The following SPAG16 variants were observed in gnomAD, a reference collection of about 807,000 sequenced individuals.
SPAG16 encodes the protein sperm associated antigen 16.
A neutral mutation model predicts 80.4 loss-of-function variants in SPAG16; 86 were observed. The ratio of observed to expected loss-of-function variants is 1.07; its 90% confidence interval spans 0.90 to 1.28. SPAG16 has a LOEUF of 1.28. SPAG16 is among the 50% of genes most tolerant of loss of function. The probability of loss-of-function intolerance (pLI) is 0.00; values close to 1 mark genes in which losing one functional copy is unlikely to be tolerated. For missense variants in SPAG16, 870 were observed against 765.3 expected (o/e 1.14, Z -1.61); for synonymous variants, 294 against 265.9 (o/e 1.11, Z -1.03).
intron 13 of SPAG16, among the ~76,000 whole-genome samples, chr2:214,055,906 GA>G (rs967646450): frequency 6.6e-6 from 1 of 151,384 alleles, no homozygotes; most frequent in South Asian, 2.1e-4. Context: ...TTTTAATAGA[GA>G]AAAAATCAAT....
At chr2:213,480,093 T>C (rs926569010) in intron 9 of SPAG16, among the ~76,000 whole-genome samples, 6 of 152,222 alleles carry the variant, frequency 3.9e-5, no homozygotes, top group Admixed American at 1.3e-4. Context: ...AGAAAGAAGA[T>C]AAAATTATGG....
chr2:214,142,119 T>A (rs1014331878), intron 14 of SPAG16, among the ~76,000 whole-genome samples: 6 of 152,128 alleles, frequency 3.9e-5, no homozygotes, highest in African/African-American at 1.4e-4. Context: ...ATTTTCCAGA[T>A]TGTGATATTC....
chr2:214,108,462 CACACACACACACACACA>C (rs1166526664), intron 14 of SPAG16, among the ~76,000 whole-genome samples: 3 of 98,468 alleles, frequency 3.0e-5, no homozygotes, highest in Non-Finnish European at 6.5e-5. Flanking sequence ...CACACACACA[CACACACACACACACACA>C]CCCCCACACA....
chr2:213,434,286 A>G (rs1228673106), intron 9 of SPAG16, among the ~76,000 whole-genome samples: 1 of 151,832 alleles, frequency 6.6e-6, no homozygotes, highest in East Asian at 1.9e-4. Flanking sequence ...ATAAAACTAG[A>G]CTCCTATCTC....
intron 15 of SPAG16, among the ~76,000 whole-genome samples, chr2:214,297,621 G>A (rs1694228848): frequency 1.3e-5 from 2 of 151,912 alleles, no homozygotes; most frequent in Non-Finnish European, 2.9e-5. Context: ...TATTTTTGCT[G>A]ACATTGGAAA....
intron 13 of SPAG16, among the ~76,000 whole-genome samples, chr2:214,017,194 A>G (rs1336758087): frequency 6.6e-6 from 1 of 152,106 alleles, no homozygotes; most frequent in African/African-American, 2.4e-5. Flanking sequence ...CTTAAAAATA[A>G]AATCAGGATG....
intron 9 of SPAG16, among the ~76,000 whole-genome samples, chr2:213,444,257 C>T (rs1012505380): frequency 3.3e-5 from 5 of 152,120 alleles, no homozygotes; most frequent in African/African-American, 1.2e-4. Flanking sequence ...GTTAGAGGTT[C>T]TCTCCTGATT....
At chr2:213,682,443 A>G (rs752532122) in intron 10 of SPAG16, among the ~76,000 whole-genome samples, 2 of 152,220 alleles carry the variant, frequency 1.3e-5, no homozygotes, top group Non-Finnish European at 2.9e-5. Flanking sequence ...TTAAAGAAGA[A>G]AGAAACACAA....
chr2:214,229,644 A>T (rs1489824823), intron 15 of SPAG16, among the ~76,000 whole-genome samples: 2 of 151,778 alleles, frequency 1.3e-5, no homozygotes, highest in African/African-American at 4.8e-5. Flanking sequence ...TTATTAAAAA[A>T]CTATAATTTG....
At chr2:213,778,370 C>T (rs1028199193) in intron 10 of SPAG16, among the ~76,000 whole-genome samples, 7 of 152,088 alleles carry the variant, frequency 4.6e-5, no homozygotes, top group Admixed American at 6.6e-5. Context: ...AAGGGGAACA[C>T]ACTTAAAAAA....
At chr2:213,903,526 A>G (rs1050292323) in intron 11 of SPAG16, among the ~76,000 whole-genome samples, 1 of 152,102 alleles carries the variant, frequency 6.6e-6, no homozygotes, top group Non-Finnish European at 1.5e-5. Flanking sequence ...GAGTCCCTAG[A>G]CTGCAAACAG....
intron 11 of SPAG16, among the ~76,000 whole-genome samples, chr2:213,868,118 A>G (rs1241183126): frequency 6.6e-6 from 1 of 152,036 alleles, no homozygotes. Context: ...AATGATTAAG[A>G]TAGTTATAAA....
chr2:213,778,101 C>T (rs760849808), intron 10 of SPAG16, among the ~76,000 whole-genome samples: 2 of 151,624 alleles, frequency 1.3e-5, no homozygotes, highest in Non-Finnish European at 2.9e-5. Context: ...ATAGAATGAA[C>T]GTTATACTGT....
chr2:213,736,765 C>G (rs553873471), intron 10 of SPAG16, among the ~76,000 whole-genome samples: 1 of 148,782 alleles, frequency 6.7e-6, no homozygotes, highest in Admixed American at 6.7e-5. Context: ...AGTGCAATGG[C>G]GAGATCTCGG....
chr2:213,572,745 T>C (rs1448646016), intron 10 of SPAG16, among the ~76,000 whole-genome samples: 1 of 152,184 alleles, frequency 6.6e-6, no homozygotes, highest in East Asian at 2.0e-4. Context: ...GCAGGCCTCC[T>C]TGAGCTGTGG....
Position 214,410,379 on chromosome 2 carries a change from C to T in SPAG16, c.*64C>T. The T allele has an allele frequency of 6.9e-7, 1 of 1,452,350 alleles. No individual in the cohort carries two copies. The highest frequency in any genetic ancestry group is 9.4e-7 in the Non-Finnish European group (1 of 1,068,696). The allele number at this position is 1,452,350 out of a possible 1,614,324, so 90.0% of individuals were successfully genotyped here. A position where few individuals can be genotyped will look rare whatever the true frequency, so the allele number is the denominator to read the frequency against. On this transcript the variant is annotated 3_prime_UTR_variant, in exon 16 of 16. Coordinates refer to ENST00000331683, the MANE Select transcript of SPAG16 (RefSeq NM_024532.5). ...GGCTTGAAAATGCCTCCTGTAGTCCCAAACCAGCAAAGAACTGGTTAAATG... is the reference window on the plus strand; with the variant it reads ...GGCTTGAAAATGCCTCCTGTAGTCCTAAACCAGCAAAGAACTGGTTAAATG...
chr2:214,130,570 T>C (rs1180624965), intron 14 of SPAG16, among the ~76,000 whole-genome samples: 1 of 152,232 alleles, frequency 6.6e-6, no homozygotes, highest in Non-Finnish European at 1.5e-5. Flanking sequence ...AATTTTTACT[T>C]CATATCTCTT....
chr2:213,733,974 A>G (rs2067176985), intron 10 of SPAG16, among the ~76,000 whole-genome samples: 1 of 152,158 alleles, frequency 6.6e-6, no homozygotes, highest in African/African-American at 2.4e-5. Flanking sequence ...TAGAGAAAGA[A>G]AGGAGTCCGT....
At chr2:214,281,062 G>A (rs1347503794) in intron 15 of SPAG16, 1 of 384,150 alleles carries the variant, frequency 2.6e-6, no homozygotes, top group Admixed American at 3.0e-5. Flanking sequence ...GCCAGTAGTA[G>A]TTCTGGCAAG....
Sources: gnomAD v4.1 joint callset for allele counts (sites outside exome capture counted in the v4.1 genomes callset) on GRCh38, gnomAD v4.1.1 for gene constraint, MANE v1.5 for transcripts, NCBI Gene and HGNC (gene_info 2026-07-23, HGNC 2026-07-21) for gene names.